The following PCDHGA4 variants were observed in gnomAD, a reference collection of about 807,000 sequenced individuals.
PCDHGA4 encodes protocadherin gamma subfamily A, 4, also known as protocadherin gamma-A4.
In PCDHGA4, 38 loss-of-function variants were observed where a neutral mutation model predicts 54.6. The observed-to-expected ratio is 0.70, with a 90% CI of 0.54 to 0.91. The LOEUF is 0.91. PCDHGA4 is among the 40% of genes least tolerant of loss of function. The pLI, the probability that PCDHGA4 is intolerant of heterozygous loss-of-function variation, is 0.00. For synonymous variants in PCDHGA4, 511 were observed against 512.9 expected (o/e 1.00, Z 0.05); for missense variants, 1,298 against 1,220.9 (o/e 1.06, Z -0.94).
intron 1 of PCDHGA4, among the ~76,000 whole-genome samples, chr5:141,450,616 A>G (rs2098687684): frequency 6.6e-6 from 1 of 151,486 alleles, no homozygotes; most frequent in African/African-American, 2.4e-5. Flanking sequence ...CCTCCTGAGT[A>G]GCTGGGATTA....
intron 1 of PCDHGA4, chr5:141,375,685 C>A (rs1771752072): frequency 6.2e-7 from 1 of 1,614,144 alleles, no homozygotes; most frequent in Non-Finnish European, 8.5e-7. Flanking sequence ...GGGTGACAGC[C>A]AGCGACAGCG....
At chr5:141,374,602 T>G in intron 1 of PCDHGA4, 1 of 1,613,652 alleles carries the variant, frequency 6.2e-7, no homozygotes, top group Non-Finnish European at 8.5e-7. Flanking sequence ...TTAAGCTCAG[T>G]GGTAATAGTC....
rs770093591 is a variant in PCDHGA4 at position 141,486,147 on chromosome 5, G to T, written c.2515-8660G>T. ...GAATTTGATGTGCGGGCTCGCGATG[G>T]GGGTTCTCCAGCCATGGAGCAACAT... On this transcript the variant is annotated intron_variant, in intron 1 of 3. Transcript: ENST00000571252. This position sits in a 1 kb window ranked among gnomAD's most constrained non-coding sequence, Gnocchi z 5.0. The T allele has an allele frequency of 6.2e-7, 1 of 1,614,168 alleles. No individual in the cohort carries two copies. The highest frequency in any genetic ancestry group is 1.7e-5 in the Admixed American group (1 of 60,028).
chr5:141,384,064 A>G, intron 1 of PCDHGA4: 13 of 1,607,984 alleles, frequency 8.1e-6, no homozygotes, highest in Non-Finnish European at 1.1e-5. Context: ...CATTCCAGAA[A>G]ACCTACCTTT....
chr5:141,362,360 A>G lies in PCDHGA4; in HGVS notation c.2514+4739A>G, dbSNP rs758755542. 153 of 1,613,924 alleles carry G rather than the reference A, an allele frequency of 9.5e-5. No homozygotes were observed. In the South Asian group the frequency reaches 1.3e-3, roughly 14 times the overall value. On this transcript the variant is annotated intron_variant, in intron 1 of 3. Transcript: ENST00000571252. ...AAGCCTGGACCTGGGGTTCTCCCCA[A>G]TTACAGTGAGGGTACATTGCCCTAT...
At chr5:141,433,129 C>T in intron 1 of PCDHGA4, 1 of 1,614,130 alleles carries the variant, frequency 6.2e-7, no homozygotes, top group Non-Finnish European at 8.5e-7. Context: ...AAAGCGAGCC[C>T]CTTTTGCTGT....
rs1460626002 is a variant in PCDHGA4, at chr5:141,486,935, C to A, written c.2515-7872C>A. ...ACTGCCTCCATCAGTTGGTGCTGGC[C>A]ACCTAATCACAAAGGTGACTGCTGT... On this transcript the variant is annotated intron_variant, in intron 1 of 3. Transcript: ENST00000571252. This position sits in a 1 kb window ranked among gnomAD's most constrained non-coding sequence, Gnocchi z 5.0. 5 of 1,614,228 alleles carry A rather than the reference C, an allele frequency of 3.1e-6. No individual in the cohort carries two copies. The highest frequency in any genetic ancestry group is 4.2e-6 in the Non-Finnish European group (5 of 1,180,038).
At chr5:141,362,768 A>G (rs916897514) in intron 1 of PCDHGA4, 6 of 614,256 alleles carry the variant, frequency 9.8e-6, no homozygotes, top group Middle Eastern at 4.4e-4. Context: ...CACATGAGAT[A>G]TTGCACTGTA....
At chr5:141,433,128 C>T (rs773994964) in intron 1 of PCDHGA4, 3 of 1,614,158 alleles carry the variant, frequency 1.9e-6, no homozygotes, top group Non-Finnish European at 1.7e-6. Flanking sequence ...AAAAGCGAGC[C>T]CCTTTTGCTG....
chr5:141,410,023 C>G, intron 1 of PCDHGA4: 1 of 1,613,310 alleles, frequency 6.2e-7, no homozygotes, highest in Non-Finnish European at 8.5e-7. Context: ...TGTCCTACCA[C>G]GTGCTGCAGG....
At chr5:141,415,740 G>GTTTTTTTTTTTTTTTTTTTTTTTTTTT (rs57426385) in intron 1 of PCDHGA4, 4 of 625,042 alleles carry the variant, frequency 6.4e-6, no homozygotes, top group Non-Finnish European at 6.4e-6. Flanking sequence ...GTTTATTAAG[G>GTTTTTTTTTTTTTTTTTTTTTTTTTTT]TTTTTTTTTT....
intron 2 of PCDHGA4, among the ~76,000 whole-genome samples, chr5:141,496,121 C>A (rs1391009290): frequency 6.6e-6 from 1 of 152,088 alleles, no homozygotes; most frequent in Non-Finnish European, 1.5e-5. Flanking sequence ...TCCTTCCCTG[C>A]CCCTCACACA....
chr5:141,388,591 A>G (rs761143693), intron 1 of PCDHGA4: 9 of 1,613,804 alleles, frequency 5.6e-6, no homozygotes, highest in African/African-American at 5.3e-5. Flanking sequence ...ACTGATGCCA[A>G]TGATAATGCT....
chr5:141,415,332 G>A (rs758125316), intron 1 of PCDHGA4: 1 of 1,614,214 alleles, frequency 6.2e-7, no homozygotes, highest in South Asian at 1.1e-5. Context: ...TGGCGCACAG[G>A]CTGCGGCGCT....
intron 1 of PCDHGA4, chr5:141,384,826 G>C (rs750050142): frequency 6.2e-7 from 1 of 1,613,472 alleles, no homozygotes; most frequent in Non-Finnish European, 8.5e-7. Flanking sequence ...GCAGAGCCTC[G>C]TGGTGGCCGT....
intron 1 of PCDHGA4, chr5:141,420,437 T>G (rs2096496377): frequency 4.5e-6 from 5 of 1,109,618 alleles, no homozygotes; most frequent in Admixed American, 3.7e-5. Context: ...TTAAATTAAA[T>G]GCCTCAGTCT....
intron 1 of PCDHGA4, among the ~76,000 whole-genome samples, chr5:141,373,507 A>T (rs1769637375): frequency 6.6e-6 from 1 of 152,236 alleles, no homozygotes; most frequent in Non-Finnish European, 1.5e-5. Flanking sequence ...TGGGAGACAG[A>T]GCGAGACTTT....
intron 1 of PCDHGA4, chr5:141,385,445 T>A (rs2150293072): frequency 1.4e-6 from 2 of 1,450,040 alleles, no homozygotes; most frequent in Non-Finnish European, 1.8e-6. Context: ...TAAAAATGAG[T>A]TTACCAGTTT....
In PCDHGA4 at chr5:141,486,487, C is replaced by T; in HGVS notation, c.2515-8320C>T. ...CTGGGAACCCTCCTCTCAGTACCCA[C>T]AGAACTATTTTCCTCAATATTTCAG... On this transcript the variant is annotated intron_variant, in intron 1 of 3. Coordinates refer to ENST00000571252, the MANE Select transcript of PCDHGA4 (RefSeq NM_018917.4). This position sits in a 1 kb window ranked among gnomAD's most constrained non-coding sequence, Gnocchi z 5.0. 1 of 1,614,086 alleles carries T rather than the reference C, an allele frequency of 6.2e-7. No individual in the cohort carries two copies. Among genetic ancestry groups the T allele is most frequent in the Non-Finnish European group, 8.5e-7 (1 of 1,179,918 alleles).
Sources: gnomAD v4.1 joint callset for allele counts (sites outside exome capture counted in the v4.1 genomes callset) on GRCh38, gnomAD v4.1.1 for gene constraint, Gnocchi (gnomAD v3.1) non-coding constraint, MANE v1.5 for transcripts, NCBI Gene and HGNC (gene_info 2026-07-23, HGNC 2026-07-21) for gene names.